Variants in SRGAP1 observed in about 807,000 individuals in gnomAD.
The protein encoded by SRGAP1 is SLIT-ROBO Rho GTPase-activating protein 1.
SRGAP1 carries 43 observed loss-of-function variants against 121.9 expected under a neutral mutation model. The ratio of observed to expected loss-of-function variants is 0.35; its 90% CI spans 0.28 to 0.46. The LOEUF is 0.46. Ranked by LOEUF, SRGAP1 falls within the 20% of genes least tolerant of loss-of-function variation. The probability of loss-of-function intolerance (pLI) is 1.00; values close to 1 mark genes in which losing one functional copy is unlikely to be tolerated. For missense variants in SRGAP1, 1,102 were observed against 1,350.9 expected (o/e 0.82, Z 2.89); for synonymous variants, 447 against 485.4 (o/e 0.92, Z 1.04).
rs74495979 is a variant in SRGAP1 at position 63,994,660 on chromosome 12, G to C, written c.426+4588G>C. ...ATGTAGACAATGTAAACACAGATAG[G>C]AGAGTACTCTGCTTTTAACCTCTTA... On this transcript the variant is annotated intron_variant, in intron 3 of 21. Transcript: ENST00000355086. Among the ~76,000 whole-genome samples the C allele has an allele frequency of 8.4e-3, 1,285 of 152,212 alleles. 8 individuals carry two copies. Among genetic ancestry groups the C allele is most frequent in the Non-Finnish European group, 0.013 (907 of 67,992 alleles).
At chr12:63,924,696 A>G (rs2031191535) in intron 1 of SRGAP1, among the ~76,000 whole-genome samples, 1 of 152,012 alleles carries the variant, frequency 6.6e-6, no homozygotes, top group Non-Finnish European at 1.5e-5. Flanking sequence ...TTGAGGATTG[A>G]AGGAGGGAGC....
chr12:63,896,930 C>T (rs1900773939), intron 1 of SRGAP1, among the ~76,000 whole-genome samples: 1 of 152,086 alleles, frequency 6.6e-6, no homozygotes, highest in Non-Finnish European at 1.5e-5. Context: ...AATACTTTAC[C>T]CTGGGTTTCG....
intron 1 of SRGAP1, among the ~76,000 whole-genome samples, chr12:63,928,227 A>G (rs1322604843): frequency 6.6e-6 from 1 of 152,188 alleles, no homozygotes; most frequent in Admixed American, 6.5e-5. Flanking sequence ...TGCTGATGGG[A>G]GTATAAAATG....
chr12:63,909,078 C>T (rs1209033814), intron 1 of SRGAP1, among the ~76,000 whole-genome samples: 5 of 151,824 alleles, frequency 3.3e-5, no homozygotes, highest in Admixed American at 6.6e-5. Context: ...TTAGTAGAGA[C>T]GGGGTTTCAC....
At chr12:64,095,560 C>G (rs2136591202) in intron 14 of SRGAP1, among the ~76,000 whole-genome samples, 1 of 152,240 alleles carries the variant, frequency 6.6e-6, no homozygotes, top group Non-Finnish European at 1.5e-5. Flanking sequence ...CCCAGCTCCT[C>G]CCTTTGTCGG....
At position 64,148,367 on chromosome 12, in the gene SRGAP1, C is replaced by T. The variant is rs1032840510; in HGVS notation, c.*5695C>T. 1 of 151,440 alleles carries T rather than the reference C, an allele frequency of 6.6e-6. No individual in the cohort carries two copies. The highest frequency in any genetic ancestry group is 6.6e-5 in the Admixed American group (1 of 15,192). The allele number at this position is 151,440 out of a possible 1,614,324, so 9.4% of individuals were successfully genotyped here. Reference sequence around the variant, plus strand: ...TGCAATCTCAGCTCACTGCAACCTCCCCCTCCTGGATTCAAGCGATTCTCC... The same window carrying T: ...TGCAATCTCAGCTCACTGCAACCTCTCCCTCCTGGATTCAAGCGATTCTCC... On this transcript the variant is annotated 3_prime_UTR_variant, in exon 22 of 22. Transcript: ENST00000355086.
chr12:64,092,321 A>G (rs867114267), intron 12 of SRGAP1, among the ~76,000 whole-genome samples: 2 of 152,172 alleles, frequency 1.3e-5, no homozygotes, highest in African/African-American at 2.4e-5. Context: ...TGTTTCTGCA[A>G]ACTAAGTTTA....
intron 7 of SRGAP1, 102 bp from the exon 8 acceptor site, chr12:64,065,016 G>T: frequency 1.3e-6 from 1 of 757,044 alleles, no homozygotes; most frequent in South Asian, 1.8e-5. Flanking sequence ...TTGGAACCTT[G>T]AGAGGATTGG....
At chr12:64,052,566 A>C (rs937143493) in intron 6 of SRGAP1, among the ~76,000 whole-genome samples, 27 of 152,024 alleles carry the variant, frequency 1.8e-4, no homozygotes, top group Admixed American at 3.3e-4. Flanking sequence ...AAAAAAAAAA[A>C]CAAAATAAAC....
rs1421983847 is a variant in SRGAP1 at position 63,844,995 on chromosome 12, G to C, written c.67+112G>C. On this transcript the variant is annotated intron_variant, in intron 1 of 21. Coordinates refer to ENST00000355086, the MANE Select transcript of SRGAP1 (RefSeq NM_020762.4). This position sits in a 1 kb window ranked among gnomAD's most constrained non-coding sequence, Gnocchi z 4.3. Reference sequence around the variant, plus strand: ...GTGGGAGGAAGGTGGTGAGGGGACAGCTCGAGCCCTGTCTGAGCCACCTGG... The same window carrying C: ...GTGGGAGGAAGGTGGTGAGGGGACACCTCGAGCCCTGTCTGAGCCACCTGG... 1 of 1,094,618 alleles carries C rather than the reference G, an allele frequency of 9.1e-7. No homozygotes were observed. The highest frequency in any genetic ancestry group is 1.6e-5 in the African/African-American group (1 of 64,452). The allele number at this position is 1,094,618 out of a possible 1,614,324, so 67.8% of individuals were successfully genotyped here. A position where few individuals can be genotyped will look rare whatever the true frequency, so the allele number is the denominator to read the frequency against.
chr12:63,893,839 TTTTG>T lies in SRGAP1; in HGVS notation c.67+48968_67+48971del, dbSNP rs1365846648. On this transcript the variant is annotated intron_variant, in intron 1 of 21. Coordinates refer to ENST00000355086, the MANE Select transcript of SRGAP1 (RefSeq NM_020762.4). Reference sequence around the variant, plus strand: ...CATGTTAAGAAACAAAAGTCTTCATTTTTGTTTGTTTGTTTTTGAGACAGAGTCT... The same window carrying T: ...CATGTTAAGAAACAAAAGTCTTCATTTTTGTTTGTTTTTGAGACAGAGTCT... 7.2e-5 allele frequency among the ~76,000 whole-genome samples: 11 copies of T among 152,254 alleles called. 1 individual carries two copies. In the South Asian group the frequency reaches 1.9e-3, roughly 26 times the overall value.
chr12:64,141,283 A>G (rs1592358962), intron 21 of SRGAP1, among the ~76,000 whole-genome samples: 2 of 120,196 alleles, frequency 1.7e-5, no homozygotes, highest in Non-Finnish European at 3.4e-5. Context: ...AAAAAAAAAA[A>G]AAAAAAAGAA....
rs1365685663 is a variant in SRGAP1 at position 64,143,694 on chromosome 12, C to G, written c.*1022C>G. ...TGGTGGTGCACACCTGTACTCCCAG[C>G]TACTCGGGTGGTTTACACAGGAGGA... On this transcript the variant is annotated 3_prime_UTR_variant, in exon 22 of 22. Transcript: ENST00000355086. 2 of 139,716 alleles carry G rather than the reference C, an allele frequency of 1.4e-5. No homozygotes were observed. Among genetic ancestry groups the G allele is most frequent in the African/African-American group, 5.2e-5 (2 of 38,612 alleles). 8.7% of individuals were successfully genotyped at this position (139,716 alleles called of 1,614,324 possible). A position where few individuals can be genotyped will look rare whatever the true frequency, so the allele number is the denominator to read the frequency against.
Position 63,874,914 on chromosome 12 carries a change from C to G in SRGAP1, c.67+30031C>G, listed in dbSNP as rs1432706269. On this transcript the variant is annotated intron_variant, in intron 1 of 21. Transcript: ENST00000355086. ...CTCTATCCTCTATCGTCTTTGGTCC[C>G]TTATAAAAAAATTTTTTTTGAGATA... Among the ~76,000 whole-genome samples the G allele has an allele frequency of 3.3e-5, 5 of 152,176 alleles. No individual in the cohort carries two copies. In the East Asian group the frequency reaches 9.6e-4, roughly 29 times the overall value.
intron 1 of SRGAP1, among the ~76,000 whole-genome samples, chr12:63,915,104 G>T (rs2030717615): frequency 6.6e-6 from 1 of 152,130 alleles, no homozygotes; most frequent in Admixed American, 6.5e-5. Flanking sequence ...TGAAAGTAGA[G>T]TCAAATAAAA....
intron 1 of SRGAP1, among the ~76,000 whole-genome samples, chr12:63,938,360 G>T (rs2031741299): frequency 6.6e-6 from 1 of 152,148 alleles, no homozygotes; most frequent in Non-Finnish European, 1.5e-5. Flanking sequence ...CCCTGGTTCG[G>T]GGTGGAGTCT....
chr12:64,123,447 C>G (rs2036634360), intron 18 of SRGAP1, among the ~76,000 whole-genome samples: 1 of 152,114 alleles, frequency 6.6e-6, no homozygotes, highest in African/African-American at 2.4e-5. Flanking sequence ...CATCTCAAGT[C>G]AACCAGGATT....
At chr12:64,034,504 C>T (rs1471154800) in intron 4 of SRGAP1, among the ~76,000 whole-genome samples, 1 of 152,088 alleles carries the variant, frequency 6.6e-6, no homozygotes, top group African/African-American at 2.4e-5. Context: ...CTTCCTTTTA[C>T]CTCTATTAGA....
At chr12:63,940,507 T>C (rs1369518379) in intron 1 of SRGAP1, among the ~76,000 whole-genome samples, 1 of 151,922 alleles carries the variant, frequency 6.6e-6, no homozygotes, top group African/African-American at 2.4e-5. Flanking sequence ...GGGTTTGCTG[T>C]CTGGAATTGA....
Sources: gnomAD v4.1 joint callset for allele counts (sites outside exome capture counted in the v4.1 genomes callset) on GRCh38, gnomAD v4.1.1 for gene constraint, Gnocchi (gnomAD v3.1) non-coding constraint, MANE v1.5 for transcripts, NCBI Gene and HGNC (gene_info 2026-07-23, HGNC 2026-07-21) for gene names.